FBXW11: variants seen among roughly 807,000 people sequenced by gnomAD.
The protein encoded by FBXW11 is F-box and WD repeat domain containing 11.
A neutral mutation model predicts 77.6 loss-of-function variants in FBXW11; 19 were observed. That is an observed-to-expected ratio of 0.24 (90% CI 0.17 to 0.36). The LOEUF (loss-of-function observed/expected upper bound fraction) is 0.36, where lower values mean the gene tolerates loss of function less well. FBXW11 is among the 10% of genes least tolerant of loss of function. FBXW11 has a pLI of 1.00. For missense variants in FBXW11, 334 were observed against 704.2 expected (o/e 0.47, Z 5.95); for synonymous variants, 235 against 249.4 (o/e 0.94, Z 0.54).
chr5:171,870,959 A>G (rs1757717402), intron 10 of FBXW11, 101 bp from the exon 11 acceptor site: 1 of 730,442 alleles, frequency 1.4e-6, no homozygotes, highest in Non-Finnish European at 2.4e-6. Context: ...ATTTTTCACT[A>G]TCTTGGAGCT....
intron 2 of FBXW11, among the ~76,000 whole-genome samples, chr5:171,944,206 T>G (rs1195216455): frequency 6.6e-6 from 1 of 151,872 alleles, no homozygotes; most frequent in Non-Finnish European, 1.5e-5. Flanking sequence ...GAAAGTAAAA[T>G]TATACATCTA....
intron 2 of FBXW11, among the ~76,000 whole-genome samples, chr5:171,945,290 G>T (rs1429477350): frequency 6.6e-6 from 1 of 152,204 alleles, no homozygotes; most frequent in Non-Finnish European, 1.5e-5. Context: ...TTGCGTAATT[G>T]ACCTGGGATT....
chr5:171,909,278 C>A (rs1309220942), intron 4 of FBXW11, among the ~76,000 whole-genome samples: 1 of 152,042 alleles, frequency 6.6e-6, no homozygotes, highest in Non-Finnish European at 1.5e-5. Context: ...CAAGATGCCA[C>A]CTCGTTGAGA....
intron 4 of FBXW11, among the ~76,000 whole-genome samples, chr5:171,905,595 C>CCA (rs1760445072): frequency 2.0e-5 from 2 of 101,136 alleles, no homozygotes; most frequent in Admixed American, 9.6e-5. Context: ...GCTAACCCCC[C>CCA]CCCCTTTATT....
chr5:171,984,262 C>G (rs1026802693), intron 1 of FBXW11, among the ~76,000 whole-genome samples: 1 of 152,230 alleles, frequency 6.6e-6, no homozygotes, highest in Admixed American at 6.5e-5. Context: ...GCTGTGCACA[C>G]ATGTAAAAAT....
At chr5:171,937,868 A>T (rs1339823594) in intron 2 of FBXW11, among the ~76,000 whole-genome samples, 4 of 151,724 alleles carry the variant, frequency 2.6e-5, no homozygotes, top group Non-Finnish European at 5.9e-5. Flanking sequence ...AATTTAAACT[A>T]GATAAAAATT....
intron 2 of FBXW11, among the ~76,000 whole-genome samples, chr5:171,937,563 C>G (rs1762539607): frequency 6.6e-6 from 1 of 152,072 alleles, no homozygotes; most frequent in Non-Finnish European, 1.5e-5. Context: ...GGGCCGGATA[C>G]AGTGGCTCAC....
intron 2 of FBXW11, among the ~76,000 whole-genome samples, chr5:171,939,696 CAAAAAAAA>C (rs58051402): frequency 1.1e-4 from 9 of 80,046 alleles, no homozygotes; most frequent in Admixed American, 3.0e-4. Flanking sequence ...GACCCTGTCT[CAAAAAAAA>C]AAAAAAAAAA....
intron 2 of FBXW11, among the ~76,000 whole-genome samples, chr5:171,942,533 C>G (rs1293612772): frequency 6.6e-6 from 1 of 152,166 alleles, no homozygotes; most frequent in Non-Finnish European, 1.5e-5. Flanking sequence ...ATTGTGACAG[C>G]TACCACCTGT....
intron 1 of FBXW11, among the ~76,000 whole-genome samples, chr5:171,989,739 G>T (rs570174288): frequency 6.6e-6 from 1 of 152,138 alleles, no homozygotes; most frequent in African/African-American, 2.4e-5. Flanking sequence ...CTGTTTTGTC[G>T]GTTTGTTTGT....
rs557716139 is a variant in FBXW11 at position 171,975,113 on chromosome 5, A to G, written c.46-17415T>C. On this transcript the variant is annotated intron_variant, in intron 1 of 13. Coordinates refer to ENST00000517395, the MANE Select transcript of FBXW11 (RefSeq NM_001378974.1). ...CTGGCAATACTATGTGACCTCAAGCAAGTTATATAACCTAAGAGTCAGCTG... is the reference window on the plus strand; with the variant it reads ...CTGGCAATACTATGTGACCTCAAGCGAGTTATATAACCTAAGAGTCAGCTG... 4.6e-5 allele frequency among the ~76,000 whole-genome samples: 7 copies of G among 152,258 alleles called. No individual in the cohort carries two copies. The East Asian group carries it at 1.4e-3, about 29-fold the overall frequency.
intron 4 of FBXW11, among the ~76,000 whole-genome samples, chr5:171,902,795 T>C (rs970508047): frequency 2.6e-5 from 4 of 152,218 alleles, no homozygotes; most frequent in African/African-American, 9.6e-5. Context: ...ATACAATGTA[T>C]TTAGGCCTAC....
chr5:171,930,626 C>G (rs2113059115), intron 2 of FBXW11, among the ~76,000 whole-genome samples: 1 of 151,960 alleles, frequency 6.6e-6, no homozygotes, highest in East Asian at 1.9e-4. Flanking sequence ...AACCAGAGAC[C>G]TTTGTTCACT....
At chr5:171,942,919 G>T (rs1762823860) in intron 2 of FBXW11, among the ~76,000 whole-genome samples, 1 of 152,024 alleles carries the variant, frequency 6.6e-6, no homozygotes, top group Admixed American at 6.6e-5. Context: ...CAGATGCCCT[G>T]GGCAATGTTT....
At chr5:171,968,714 C>T (rs1764360990) in intron 1 of FBXW11, among the ~76,000 whole-genome samples, 2 of 152,268 alleles carry the variant, frequency 1.3e-5, no homozygotes, top group South Asian at 2.1e-4. Context: ...GAGACATCTG[C>T]TCTCATTTAT....
chr5:171,900,758 A>T (rs1463994433), intron 4 of FBXW11, among the ~76,000 whole-genome samples: 2 of 152,184 alleles, frequency 1.3e-5, no homozygotes, highest in Non-Finnish European at 2.9e-5. Flanking sequence ...TTCTGTTCCT[A>T]AACAGATGGG....
intron 4 of FBXW11, among the ~76,000 whole-genome samples, chr5:171,900,955 G>A (rs184791960): frequency 1.1e-3 from 166 of 152,222 alleles, no homozygotes; most frequent in African/African-American, 3.2e-3. Context: ...ATCCTGTGGC[G>A]GTAAGTATGT....
At chr5:171,999,825 C>CT (rs11434000) in intron 1 of FBXW11, among the ~76,000 whole-genome samples, 21,027 of 149,246 alleles carry the variant, frequency 0.14, 2,728 homozygotes, top group African/African-American at 0.35. Flanking sequence ...AGAGCCAAAG[C>CT]TTTTTTTTTT....
At chr5:171,946,973 C>A (rs768854547) in intron 2 of FBXW11, among the ~76,000 whole-genome samples, 1 of 151,982 alleles carries the variant, frequency 6.6e-6, no homozygotes, top group Non-Finnish European at 1.5e-5. Context: ...TGCCACCACG[C>A]CTGGCTAATT....
Sources: gnomAD v4.1 joint callset for allele counts (sites outside exome capture counted in the v4.1 genomes callset) on GRCh38, gnomAD v4.1.1 for gene constraint, MANE v1.5 for transcripts, NCBI Gene and HGNC (gene_info 2026-07-23, HGNC 2026-07-21) for gene names.